LPIN1: variants seen among roughly 807,000 people sequenced by gnomAD.
The protein encoded by LPIN1 is lipin 1, also known as phosphatidate phosphatase LPIN1.
LPIN1 carries 71 observed loss-of-function variants against 107.5 expected under a neutral mutation model. That is an observed-to-expected ratio of 0.66 (90% confidence interval 0.55 to 0.80). The LOEUF is 0.80. LPIN1 is among the 30% of genes least tolerant of loss of function. LPIN1 has a pLI of 0.00. For missense variants in LPIN1, 1,043 were observed against 1,160.6 expected (o/e 0.90, Z 1.47); for synonymous variants, 445 against 452.6 (o/e 0.98, Z 0.21).
Position 11,771,356 on chromosome 2 carries a change from T to C in LPIN1, c.289-16T>C, listed in dbSNP as rs771145009. On this transcript the variant is annotated splice_polypyrimidine_tract_variant and intron_variant, in intron 3 of 20. Transcript: ENST00000674199. The surrounding 1 kb of genome is among the most constrained non-coding windows in gnomAD (Gnocchi z 4.8). ...AATTAACGAGGCTCTTTTTAGAAAA[T>C]GTGTTCTTTTCTTAGGAAGTTATCC... 1 of 1,612,444 alleles carries C rather than the reference T, an allele frequency of 6.2e-7. No individual in the cohort carries two copies. The highest frequency in any genetic ancestry group is 1.1e-5 in the South Asian group (1 of 91,032).
Position 11,786,269 on chromosome 2 carries a change from T to C in LPIN1, c.1550-805T>C, listed in dbSNP as rs148480558. 1.1e-4 allele frequency among the ~76,000 whole-genome samples: 16 copies of C among 152,264 alleles called. No individual in the cohort carries two copies. Among genetic ancestry groups the C allele is most frequent in the Admixed American group, 1.3e-4 (2 of 15,302 alleles). On this transcript the variant is annotated intron_variant, in intron 10 of 20. Coordinates refer to ENST00000674199, the MANE Select transcript of LPIN1 (RefSeq NM_001349206.2). This position sits in a 1 kb window ranked among gnomAD's most constrained non-coding sequence, Gnocchi z 4.1. ...CTGGCATCAAGACCCAGGGACTCTT[T>C]TCCTGGACGGAGGAGATTCTCAGTG...
At chr2:11,812,123 G>A (rs1679772154) in intron 17 of LPIN1, among the ~76,000 whole-genome samples, 1 of 152,158 alleles carries the variant, frequency 6.6e-6, no homozygotes, top group Non-Finnish European at 1.5e-5. Context: ...ATGTTATTGA[G>A]CAATTTTCGA....
At chr2:11,760,642 C>T (rs1669665097) in intron 1 of LPIN1, among the ~76,000 whole-genome samples, 1 of 151,958 alleles carries the variant, frequency 6.6e-6, no homozygotes, top group Admixed American at 6.5e-5. Context: ...TGCAGTCCAG[C>T]TTCGGCTCGG....
intron 1 of LPIN1, among the ~76,000 whole-genome samples, chr2:11,764,443 C>T (rs1298016089): frequency 2.6e-5 from 4 of 152,176 alleles, no homozygotes; most frequent in African/African-American, 4.8e-5. Context: ...TACTATGCCC[C>T]GCTAGTTCCT....
chr2:11,776,188 G>A lies in LPIN1; in HGVS notation c.825G>A (p.Ser275=), dbSNP rs746734035. The stretch of plus-strand genomic sequence containing the variant: ...CACAGTCTTCCCTGTTCCATCCTTC[G>A]GAAAGGTAGAGGAGTTATTTTCCCC... ...CPPQSSLFHP[S]ESPSGSRPST... The change falls in exon 6 of 21, where the codon TCG becomes TCA. Residue 275 remains serine, a synonymous_variant. Coordinates refer to ENST00000674199, the MANE Select transcript of LPIN1 (RefSeq NM_001349206.2). 1.5e-5 allele frequency: 23 copies of A among 1,532,776 alleles called. No homozygotes were observed. The highest frequency in any genetic ancestry group is 2.0e-5 in the Admixed American group (1 of 50,714). The allele number at this position is 1,532,776 out of a possible 1,614,324, so 94.9% of individuals were successfully genotyped here. A position where few individuals can be genotyped will look rare whatever the true frequency, so the allele number is the denominator to read the frequency against.
intron 14 of LPIN1, among the ~76,000 whole-genome samples, chr2:11,801,193 T>C (rs565661622): frequency 2.0e-5 from 3 of 152,316 alleles, no homozygotes; most frequent in East Asian, 3.9e-4. Flanking sequence ...GAAAACAGTA[T>C]GGAGATTTCT....
rs1381918024 is a variant in LPIN1, at chr2:11,826,086, G to T, written c.*1295G>T. 3 of 152,572 alleles carry T rather than the reference G, an allele frequency of 2.0e-5. No homozygotes were observed. The highest frequency in any genetic ancestry group is 4.4e-5 in the Non-Finnish European group (3 of 68,034). 9.5% of individuals were successfully genotyped at this position (152,572 alleles called of 1,614,324 possible). On this transcript the variant is annotated 3_prime_UTR_variant, in exon 21 of 21. Transcript: ENST00000674199. ...TCGTGGACAGAACAATTTGAAAAGT[G>T]AAAGAATTATTTTGGTAAAAGATTT...
At chr2:11,802,162 A>G (rs931290096) in intron 14 of LPIN1, among the ~76,000 whole-genome samples, 2 of 152,216 alleles carry the variant, frequency 1.3e-5, no homozygotes, top group Non-Finnish European at 2.9e-5. Flanking sequence ...CAGAGCTGAT[A>G]CTACTGGGTT....
chr2:11,791,805 A>T (rs1572858680), intron 12 of LPIN1, 109 bp from the exon 13 acceptor site: 3 of 1,509,968 alleles, frequency 2.0e-6, no homozygotes, highest in Non-Finnish European at 2.7e-6. Flanking sequence ...GTTTTCTCTG[A>T]TTTTTTTTTA....
chr2:11,824,884 G>C lies in LPIN1; in HGVS notation c.*93G>C. The C allele has an allele frequency of 7.0e-7, 1 of 1,433,012 alleles. No individual in the cohort carries two copies. Among genetic ancestry groups the C allele is most frequent in the Non-Finnish European group, 9.8e-7 (1 of 1,025,352 alleles). 88.8% of individuals were successfully genotyped at this position (1,433,012 alleles called of 1,614,324 possible). On this transcript the variant is annotated 3_prime_UTR_variant, in exon 21 of 21. Coordinates refer to ENST00000674199, the MANE Select transcript of LPIN1 (RefSeq NM_001349206.2). Reference sequence around the variant, plus strand: ...CCGGAGTGCACAGCTCCACCTGGGAGCCTGGCGCGTCATCATTGGCCTGAC... The same window carrying C: ...CCGGAGTGCACAGCTCCACCTGGGACCCTGGCGCGTCATCATTGGCCTGAC...
chr2:11,703,286 G>C (rs923896671), intron 1 of LPIN1, among the ~76,000 whole-genome samples: 1 of 152,132 alleles, frequency 6.6e-6, no homozygotes. Flanking sequence ...CTGCTGGGGG[G>C]ATTGGAGTAG....
chr2:11,771,488 G>A lies in LPIN1; in HGVS notation c.405G>A (p.Thr135=), dbSNP rs1373294657. The part of the protein sequence containing the change: ...VDRMRGLDPS[T]PAQVIAPSET... Reference sequence around the variant, plus strand: ...GGATGAGAGGCCTGGACCCCAGCACGCCAGCCCAAGTGATCGCTCCCAGCG... The same window carrying A: ...GGATGAGAGGCCTGGACCCCAGCACACCAGCCCAAGTGATCGCTCCCAGCG... Residue 135 remains threonine, a synonymous_variant, in exon 4 of 21, where the codon ACG becomes ACA. Coordinates refer to ENST00000674199, the MANE Select transcript of LPIN1 (RefSeq NM_001349206.2). This position sits in a 1 kb window ranked among gnomAD's most constrained non-coding sequence, Gnocchi z 4.8. The A allele has an allele frequency of 1.4e-5, 23 of 1,614,056 alleles. No individual in the cohort carries two copies. The highest frequency in any genetic ancestry group is 2.7e-5 in the African/African-American group (2 of 74,924).
chr2:11,777,670 C>A (rs777756169), intron 6 of LPIN1: 1 of 152,168 alleles, frequency 6.6e-6, no homozygotes, highest in East Asian at 1.9e-4. Flanking sequence ...TCGTAAAACC[C>A]GTAAAGCCCG....
chr2:11,743,613 T>C (rs1006977578), upstream of LPIN1, among the ~76,000 whole-genome samples: 1 of 152,124 alleles, frequency 6.6e-6, no homozygotes, highest in African/African-American at 2.4e-5. The surrounding 1 kb of genome is among the most constrained non-coding windows in gnomAD (Gnocchi z 4.7). Flanking sequence ...CCCGAGGAGA[T>C]GCCCTCCCTT....
At chr2:11,811,848 G>A (rs1212072329) in intron 17 of LPIN1, among the ~76,000 whole-genome samples, 2 of 152,266 alleles carry the variant, frequency 1.3e-5, no homozygotes, top group East Asian at 3.9e-4. Flanking sequence ...AGCTGGGCGT[G>A]GTAGTGCATG....
intron 1 of LPIN1, among the ~76,000 whole-genome samples, chr2:11,753,037 G>A (rs987654892): frequency 5.3e-5 from 8 of 152,154 alleles, no homozygotes; most frequent in Admixed American, 2.0e-4. Context: ...CGTCTGCTGT[G>A]TGCTGGAGTT....
chr2:11,787,473 T>G (rs1045279462), intron 11 of LPIN1, among the ~76,000 whole-genome samples: 1 of 143,204 alleles, frequency 7.0e-6, no homozygotes, highest in African/African-American at 2.6e-5. Context: ...CAGTTGTAGC[T>G]CACTGTAGCC....
At chr2:11,700,537 CT>C (rs1462026227) in intron 1 of LPIN1, among the ~76,000 whole-genome samples, 1 of 152,110 alleles carries the variant, frequency 6.6e-6, no homozygotes, top group Non-Finnish European at 1.5e-5. Context: ...CTCTCCACCC[CT>C]ATGGGCTTTA....
chr2:11,781,360 C>T (rs1485434912), intron 7 of LPIN1, among the ~76,000 whole-genome samples: 1 of 152,222 alleles, frequency 6.6e-6, no homozygotes, highest in African/African-American at 2.4e-5. Context: ...AGTGCAAATC[C>T]ATCACTTCTT....
Sources: gnomAD v4.1 joint callset for allele counts (sites outside exome capture counted in the v4.1 genomes callset) on GRCh38, gnomAD v4.1.1 for gene constraint, Gnocchi (gnomAD v3.1) non-coding constraint, MANE v1.5 for transcripts, NCBI Gene and HGNC (gene_info 2026-07-23, HGNC 2026-07-21) for gene names.